PLCB1: variants seen among roughly 807,000 people sequenced by gnomAD.
PLCB1 encodes the protein 1-phosphatidylinositol 4,5-bisphosphate phosphodiesterase beta-1.
In PLCB1, 46 loss-of-function variants were observed where a neutral mutation model predicts 161.8. The observed-to-expected ratio is 0.28, with a 90% CI of 0.22 to 0.36. The LOEUF (loss-of-function observed/expected upper bound fraction) is 0.36. Ranked by LOEUF, PLCB1 falls within the 10% of genes least tolerant of loss-of-function variation. The pLI, the probability that PLCB1 is intolerant of heterozygous loss-of-function variation, is 1.00. For synonymous variants in PLCB1, 517 were observed against 503.7 expected (o/e 1.03, Z -0.35); for missense variants, 1,016 against 1,472.5 (o/e 0.69, Z 5.07).
At position 8,478,909 on chromosome 20, in the gene PLCB1, T is replaced by C. The variant is rs549912876; in HGVS notation, c.246+107459T>C. On this transcript the variant is annotated intron_variant, in intron 3 of 31. Coordinates refer to ENST00000338037, the MANE Select transcript of PLCB1 (RefSeq NM_015192.4). ...ACTTTGATGTAAACTTCATTCATTA[T>C]ACATGTAAAAAGCTTGGTTTACATG... is the stretch of plus-strand genomic sequence containing the variant. Among the ~76,000 whole-genome samples the C allele has an allele frequency of 6.6e-5, 10 of 152,338 alleles. No homozygotes were observed. The South Asian group carries it at 1.9e-3, about 28-fold the overall frequency.
intron 2 of PLCB1, among the ~76,000 whole-genome samples, chr20:8,222,521 T>G (rs1055194958): frequency 1.3e-4 from 20 of 152,196 alleles, no homozygotes; most frequent in African/African-American, 2.2e-4. Flanking sequence ...CTTTTGGTTT[T>G]CAGCACTTAT....
intron 3 of PLCB1, among the ~76,000 whole-genome samples, chr20:8,591,651 A>C (rs1568520787): frequency 6.6e-6 from 1 of 152,186 alleles, no homozygotes; most frequent in Non-Finnish European, 1.5e-5. Flanking sequence ...TGAGACTTGC[A>C]ATTGATATGC....
At chr20:8,727,821 A>G (rs978446046) in intron 17 of PLCB1, among the ~76,000 whole-genome samples, 1 of 152,120 alleles carries the variant, frequency 6.6e-6, no homozygotes. Context: ...ACATACTTAT[A>G]TGTACTATAT....
At chr20:8,232,352 T>C (rs1980099108) in intron 2 of PLCB1, among the ~76,000 whole-genome samples, 1 of 152,140 alleles carries the variant, frequency 6.6e-6, no homozygotes, top group African/African-American at 2.4e-5. Context: ...GATAGAATTT[T>C]GAAGTTCCAT....
intron 11 of PLCB1, among the ~76,000 whole-genome samples, chr20:8,705,909 A>G (rs572529842): frequency 1.3e-5 from 2 of 152,296 alleles, no homozygotes; most frequent in South Asian, 4.1e-4. Context: ...TATAGAAAGG[A>G]GCGAAACTGT....
At chr20:8,222,475 T>G (rs1460513326) in intron 2 of PLCB1, among the ~76,000 whole-genome samples, 1 of 152,184 alleles carries the variant, frequency 6.6e-6, no homozygotes, top group African/African-American at 2.4e-5. Flanking sequence ...AGTAATATTT[T>G]GTATTACTCT....
intron 3 of PLCB1, among the ~76,000 whole-genome samples, chr20:8,585,137 C>G (rs938963029): frequency 6.6e-6 from 1 of 152,184 alleles, no homozygotes; most frequent in Non-Finnish European, 1.5e-5. Context: ...GGAGCTTCGG[C>G]TTACTTTTGG....
rs542520852 is a variant in PLCB1, at chr20:8,672,903, G to A, written c.863-12029G>A. ...GAGGTGGGTGGATAACTTGAGATCA[G>A]GAGTTCAAGATCAGCCTGGCCAACA... On this transcript the variant is annotated intron_variant, in intron 9 of 31. Coordinates refer to ENST00000338037, the MANE Select transcript of PLCB1 (RefSeq NM_015192.4). Among the ~76,000 whole-genome samples, 246 of 152,024 alleles carry A rather than the reference G, an allele frequency of 1.6e-3. 1 individual carries two copies. The highest frequency in any genetic ancestry group is 5.8e-3 in the African/African-American group (239 of 41,442).
intron 26 of PLCB1, among the ~76,000 whole-genome samples, chr20:8,766,789 G>C (rs1982338951): frequency 6.6e-6 from 1 of 152,142 alleles, no homozygotes; most frequent in African/African-American, 2.4e-5. Flanking sequence ...CTCCATGTCT[G>C]AATTGGGGCC....
At chr20:8,625,675 T>C (rs1036728110) in intron 3 of PLCB1, among the ~76,000 whole-genome samples, 1 of 152,204 alleles carries the variant, frequency 6.6e-6, no homozygotes, top group African/African-American at 2.4e-5. Flanking sequence ...TAAGTGTTTC[T>C]CAAATCTAAG....
At chr20:8,530,118 T>G (rs1984744168) in intron 3 of PLCB1, among the ~76,000 whole-genome samples, 1 of 152,128 alleles carries the variant, frequency 6.6e-6, no homozygotes, top group Non-Finnish European at 1.5e-5. Flanking sequence ...GAGCATCTTT[T>G]CGGATGTTTA....
At chr20:8,203,487 G>C (rs1001354866) in intron 2 of PLCB1, among the ~76,000 whole-genome samples, 1 of 152,026 alleles carries the variant, frequency 6.6e-6, no homozygotes, top group Non-Finnish European at 1.5e-5. Context: ...AACTATTTAG[G>C]TGGAAATGTC....
intron 2 of PLCB1, among the ~76,000 whole-genome samples, chr20:8,160,949 A>G (rs933098738): frequency 2.6e-5 from 4 of 152,162 alleles, no homozygotes; most frequent in Non-Finnish European, 5.9e-5. Flanking sequence ...CTGACTTATT[A>G]GGACGTTGGT....
At chr20:8,159,003 T>A (rs1032433178) in intron 2 of PLCB1, among the ~76,000 whole-genome samples, 4 of 152,100 alleles carry the variant, frequency 2.6e-5, no homozygotes, top group African/African-American at 9.7e-5. Flanking sequence ...GGATCTACCA[T>A]TCTAGAGTCT....
At chr20:8,557,205 C>CA (rs1985994260) in intron 3 of PLCB1, among the ~76,000 whole-genome samples, 1 of 151,520 alleles carries the variant, frequency 6.6e-6, no homozygotes, top group African/African-American at 2.4e-5. Flanking sequence ...GTATATATCT[C>CA]AGACAATTAA....
At chr20:8,679,499 A>G (rs1277998851) in intron 9 of PLCB1, among the ~76,000 whole-genome samples, 5 of 152,216 alleles carry the variant, frequency 3.3e-5, no homozygotes, top group African/African-American at 9.6e-5. Flanking sequence ...ATTTGCAAGC[A>G]TGATGGCATC....
chr20:8,533,176 C>G (rs1285646379), intron 3 of PLCB1, among the ~76,000 whole-genome samples: 1 of 152,050 alleles, frequency 6.6e-6, no homozygotes, highest in East Asian at 1.9e-4. Flanking sequence ...ATCCATGTCC[C>G]CAAAAAGGAC....
intron 3 of PLCB1, among the ~76,000 whole-genome samples, chr20:8,467,792 A>G (rs953245010): frequency 1.3e-5 from 2 of 152,200 alleles, no homozygotes; most frequent in African/African-American, 4.8e-5. Flanking sequence ...CTTGCACACA[A>G]GAAAGACTTT....
intron 9 of PLCB1, among the ~76,000 whole-genome samples, chr20:8,667,417 T>A (rs374370518): frequency 6.6e-6 from 1 of 151,238 alleles, no homozygotes; most frequent in African/African-American, 2.5e-5. Context: ...AAAAAAAAAT[T>A]TTTCAAGATC....
Sources: gnomAD v4.1 joint callset for allele counts (sites outside exome capture counted in the v4.1 genomes callset) on GRCh38, gnomAD v4.1.1 for gene constraint, MANE v1.5 for transcripts, NCBI Gene and HGNC (gene_info 2026-07-23, HGNC 2026-07-21) for gene names.